The following CERS6 variants were observed in gnomAD, a reference collection of about 807,000 sequenced individuals.
The protein encoded by CERS6 is ceramide synthase 6, also known as LAG1 homolog, ceramide synthase 6.
CERS6 carries 26 observed loss-of-function variants against 56.8 expected under a neutral mutation model. That is an observed-to-expected ratio of 0.46 (90% CI 0.34 to 0.63). CERS6 has a LOEUF of 0.63. CERS6 is among the 30% of genes least tolerant of loss of function. The pLI, the probability that CERS6 is intolerant of heterozygous loss-of-function variation, is 0.01. For synonymous variants in CERS6, 164 were observed against 173.3 expected (o/e 0.95, Z 0.42); for missense variants, 415 against 467.5 (o/e 0.89, Z 1.04).
At chr2:168,675,644 G>A (rs1559047568) in intron 4 of CERS6, among the ~76,000 whole-genome samples, 1 of 151,794 alleles carries the variant, frequency 6.6e-6, no homozygotes, top group Non-Finnish European at 1.5e-5. Context: ...AATAATAAAT[G>A]TTTTACAAGG....
chr2:168,550,167 G>GT (rs1260493398), intron 2 of CERS6, among the ~76,000 whole-genome samples: 2 of 151,886 alleles, frequency 1.3e-5, no homozygotes, highest in African/African-American at 4.8e-5. Flanking sequence ...TTGTCAAGGT[G>GT]TTTTTTTGTT....
At chr2:168,578,456 C>T (rs1683331100) in intron 3 of CERS6, among the ~76,000 whole-genome samples, 1 of 152,090 alleles carries the variant, frequency 6.6e-6, no homozygotes, top group African/African-American at 2.4e-5. Flanking sequence ...AATTCTGTGC[C>T]ACATACTGAA....
chr2:168,633,770 A>C (rs921501759), intron 4 of CERS6, among the ~76,000 whole-genome samples: 3 of 152,242 alleles, frequency 2.0e-5, no homozygotes, highest in Non-Finnish European at 2.9e-5. Context: ...AAGGTAATTC[A>C]AATCTGTAGA....
chr2:168,674,892 G>A (rs1162337914), intron 4 of CERS6, among the ~76,000 whole-genome samples: 2 of 152,156 alleles, frequency 1.3e-5, no homozygotes, highest in Non-Finnish European at 1.5e-5. Context: ...TGTTATTGAT[G>A]TTAGCTATTT....
intron 4 of CERS6, among the ~76,000 whole-genome samples, chr2:168,647,602 G>C (rs1198330995): frequency 6.6e-6 from 1 of 152,180 alleles, no homozygotes; most frequent in Non-Finnish European, 1.5e-5. Context: ...TTTTCAAGGG[G>C]AATGCTTCCA....
At chr2:168,610,702 G>A (rs1684168115) in intron 3 of CERS6, among the ~76,000 whole-genome samples, 1 of 152,156 alleles carries the variant, frequency 6.6e-6, no homozygotes, top group African/African-American at 2.4e-5. Context: ...ACCCATCTCT[G>A]CCACATACTA....
Position 168,456,425 on chromosome 2 carries a change from C to A in CERS6, c.-24C>A. On this transcript the variant is annotated 5_prime_UTR_variant, in exon 1 of 10. Coordinates refer to ENST00000305747, the MANE Select transcript of CERS6 (RefSeq NM_203463.3). This position sits in a 1 kb window ranked among gnomAD's most constrained non-coding sequence, Gnocchi z 4.1. Reference sequence around the variant, plus strand: ...AGAGCTTGGCGGGCTGCGGGTGCCGCAGGACAGGAGTGGACAAAGCAAGAT... The same window carrying A: ...AGAGCTTGGCGGGCTGCGGGTGCCGAAGGACAGGAGTGGACAAAGCAAGAT... The A allele has an allele frequency of 1.9e-6, 3 of 1,568,846 alleles. No homozygotes were observed. The highest frequency in any genetic ancestry group is 1.8e-5 in the Admixed American group (1 of 56,320).
At chr2:168,699,120 G>A (rs1686741311) in intron 6 of CERS6, among the ~76,000 whole-genome samples, 1 of 152,132 alleles carries the variant, frequency 6.6e-6, no homozygotes, top group Non-Finnish European at 1.5e-5. Context: ...CTTGCTGAAT[G>A]GCCCCATGGG....
chr2:168,622,249 A>G lies in CERS6; in HGVS notation c.408-8736A>G, dbSNP rs1313824137. On this transcript the variant is annotated intron_variant, in intron 3 of 9. Coordinates refer to ENST00000305747, the MANE Select transcript of CERS6 (RefSeq NM_203463.3). ...CATAAAATACACTAACACTAAGGAT[A>G]GTCATTGAGCTAACAAAAAATCACA... 2.6e-5 allele frequency among the ~76,000 whole-genome samples: 4 copies of G among 151,048 alleles called. No individual in the cohort carries two copies. In the East Asian group the frequency reaches 7.7e-4, roughly 29 times the overall value.
chr2:168,747,874 T>G (rs1684154376), intron 8 of CERS6, among the ~76,000 whole-genome samples: 1 of 152,098 alleles, frequency 6.6e-6, no homozygotes. Flanking sequence ...CCAAATTATC[T>G]GAAATTAGGC....
At chr2:168,528,548 T>C (rs535300256) in intron 1 of CERS6, among the ~76,000 whole-genome samples, 66 of 152,344 alleles carry the variant, frequency 4.3e-4, no homozygotes, top group African/African-American at 1.4e-3. Flanking sequence ...TGACCAATAC[T>C]CTTTGGGAGA....
intron 1 of CERS6, among the ~76,000 whole-genome samples, chr2:168,483,844 A>G (rs1694221550): frequency 6.6e-6 from 1 of 152,224 alleles, no homozygotes; most frequent in Admixed American, 6.5e-5. Flanking sequence ...TTCACTGGGC[A>G]TCAGAGTCAC....
chr2:168,524,946 T>C (rs531662295), intron 1 of CERS6, among the ~76,000 whole-genome samples: 2 of 152,216 alleles, frequency 1.3e-5, no homozygotes, highest in East Asian at 1.9e-4. Context: ...ACATTTTTCC[T>C]GAAGAAAAAA....
At chr2:168,508,105 C>G (rs1465906420) in intron 1 of CERS6, among the ~76,000 whole-genome samples, 1 of 152,192 alleles carries the variant, frequency 6.6e-6, no homozygotes, top group East Asian at 1.9e-4. Context: ...TCACTGCGTT[C>G]TAATTATACA....
intron 8 of CERS6, among the ~76,000 whole-genome samples, chr2:168,760,900 C>T (rs569612425): frequency 9.9e-5 from 15 of 152,164 alleles, no homozygotes; most frequent in Admixed American, 7.2e-4. Context: ...GGACTACAGG[C>T]GCCCGCCACC....
intron 1 of CERS6, among the ~76,000 whole-genome samples, chr2:168,546,272 CA>C (rs1411217229): frequency 1.3e-5 from 2 of 151,408 alleles, no homozygotes; most frequent in Non-Finnish European, 2.9e-5. Flanking sequence ...TTACATTAAA[CA>C]GAATTGAGAA....
rs968784273 is a variant in CERS6, at chr2:168,755,320, G to A, written c.846-10272G>A. Among the ~76,000 whole-genome samples the A allele has an allele frequency of 4.6e-5, 7 of 152,134 alleles. No homozygotes were observed. In the East Asian group the frequency reaches 5.8e-4, roughly 13 times the overall value. ...TCCAAACAGAAGGAAATATTACTAT[G>A]GCTCTAGCTCTCTTAAATGCTTCAA... On this transcript the variant is annotated intron_variant, in intron 8 of 9. Transcript: ENST00000305747.
intron 3 of CERS6, among the ~76,000 whole-genome samples, chr2:168,586,221 A>AG (rs1683539234): frequency 6.6e-6 from 1 of 152,002 alleles, no homozygotes; most frequent in African/African-American, 2.4e-5. Context: ...TTTAAAAAAA[A>AG]AAAAAAGGAA....
intron 3 of CERS6, among the ~76,000 whole-genome samples, chr2:168,627,272 G>T (rs748126788): frequency 6.6e-6 from 1 of 152,026 alleles, no homozygotes; most frequent in Non-Finnish European, 1.5e-5. Context: ...GAAATTTAGG[G>T]CAATGATTTA....
Sources: gnomAD v4.1 joint callset for allele counts (sites outside exome capture counted in the v4.1 genomes callset) on GRCh38, gnomAD v4.1.1 for gene constraint, Gnocchi (gnomAD v3.1) non-coding constraint, MANE v1.5 for transcripts, NCBI Gene and HGNC (gene_info 2026-07-23, HGNC 2026-07-21) for gene names.